Variants in PIK3AP1 observed in about 807,000 individuals in gnomAD.
PIK3AP1 encodes phosphoinositide-3-kinase adaptor protein 1, also known as phosphoinositide 3-kinase adapter protein 1.
In PIK3AP1, 21 loss-of-function variants were observed where a neutral mutation model predicts 88.1. The ratio of observed to expected loss-of-function variants is 0.24; its 90% confidence interval spans 0.17 to 0.34. PIK3AP1 has a LOEUF of 0.34. PIK3AP1 is among the 10% of genes least tolerant of loss of function. The probability of loss-of-function intolerance (pLI) is 1.00; values close to 1 mark genes in which losing one functional copy is unlikely to be tolerated. For missense variants in PIK3AP1, 828 were observed against 1,035.7 expected (o/e 0.80, Z 2.75); for synonymous variants, 398 against 400.0 (o/e 1.00, Z 0.06).
At chr10:96,647,346 G>T (rs1843473871) in intron 7 of PIK3AP1, among the ~76,000 whole-genome samples, 1 of 152,182 alleles carries the variant, frequency 6.6e-6, no homozygotes, top group Non-Finnish European at 1.5e-5. Flanking sequence ...GTAAAGTAAG[G>T]CTTGCAATAC....
intron 2 of PIK3AP1, chr10:96,700,719 G>A (rs566009549): frequency 5.4e-5 from 40 of 746,762 alleles, no homozygotes; most frequent in East Asian, 5.1e-4. Context: ...CACCACAATC[G>A]TTGCTTTCAA....
At chr10:96,664,341 G>T (rs941527835) in intron 2 of PIK3AP1, among the ~76,000 whole-genome samples, 2 of 152,208 alleles carry the variant, frequency 1.3e-5, no homozygotes, top group Non-Finnish European at 2.9e-5. Flanking sequence ...AAGGTCAGAA[G>T]AAAATGTGTG....
rs183998756 is a variant in PIK3AP1 at position 96,601,098 on chromosome 10, T to C, written c.2360+1182A>G. 2.4e-3 allele frequency among the ~76,000 whole-genome samples: 367 copies of C among 152,164 alleles called. 1 individual carries two copies. The highest frequency in any genetic ancestry group is 7.6e-3 in the African/African-American group (315 of 41,510). ...CCTGTATAAAAAAAAAGATCACTTATATTGCTGAGTTCTCACTATAGGCCA... is the reference window on the plus strand; with the variant it reads ...CCTGTATAAAAAAAAAGATCACTTACATTGCTGAGTTCTCACTATAGGCCA... On this transcript the variant is annotated intron_variant, in intron 16 of 16. Transcript: ENST00000339364.
intron 10 of PIK3AP1, among the ~76,000 whole-genome samples, chr10:96,625,616 C>T (rs1389733304): frequency 6.6e-6 from 1 of 152,180 alleles, no homozygotes; most frequent in Non-Finnish European, 1.5e-5. Flanking sequence ...TATCTGGTAA[C>T]CCCAACCCAA....
At chr10:96,606,194 G>A (rs962505603) in intron 14 of PIK3AP1, among the ~76,000 whole-genome samples, 1 of 152,012 alleles carries the variant, frequency 6.6e-6, no homozygotes, top group South Asian at 2.1e-4. Context: ...ACTCTTCCCA[G>A]CCCACTCCTG....
At chr10:96,606,323 C>T (rs904969944) in intron 14 of PIK3AP1, among the ~76,000 whole-genome samples, 3 of 152,222 alleles carry the variant, frequency 2.0e-5, no homozygotes, top group Non-Finnish European at 4.4e-5. Flanking sequence ...CCCTCTGTGG[C>T]TAAGCCTCCC....
intron 12 of PIK3AP1, among the ~76,000 whole-genome samples, chr10:96,616,915 T>A (rs1024417604): frequency 1.3e-5 from 2 of 152,146 alleles, no homozygotes; most frequent in African/African-American, 4.8e-5. Flanking sequence ...AGAGAAGACA[T>A]CTCTTCCACA....
intron 1 of PIK3AP1, among the ~76,000 whole-genome samples, chr10:96,711,141 A>T (rs913238583): frequency 1.3e-5 from 2 of 152,176 alleles, no homozygotes; most frequent in Non-Finnish European, 2.9e-5. Flanking sequence ...GATGAAAGAA[A>T]CATTTCATCT....
In PIK3AP1 at chr10:96,598,701, C is replaced by T. The variant is rs76121951; in HGVS notation, c.2361-3067G>A. Among the ~76,000 whole-genome samples, 182 of 152,286 alleles carry T rather than the reference C, an allele frequency of 1.2e-3. 1 individual carries two copies. Among genetic ancestry groups the T allele is most frequent in the Non-Finnish European group, 2.3e-3 (158 of 68,020 alleles). ...TTGGGAAACCAAAAGAAGATTCACTCGCATGGGAACATTAGGGAGGGCTTC... is the reference window on the plus strand; with the variant it reads ...TTGGGAAACCAAAAGAAGATTCACTTGCATGGGAACATTAGGGAGGGCTTC... On this transcript the variant is annotated intron_variant, in intron 16 of 16. Transcript: ENST00000339364.
chr10:96,688,516 A>C (rs1844106206), intron 2 of PIK3AP1, among the ~76,000 whole-genome samples: 1 of 152,236 alleles, frequency 6.6e-6, no homozygotes, highest in African/African-American at 2.4e-5. Context: ...TGCACACATT[A>C]GGCTGGGCGC....
intron 1 of PIK3AP1, among the ~76,000 whole-genome samples, chr10:96,715,556 T>C (rs1314619062): frequency 1.3e-5 from 2 of 152,200 alleles, no homozygotes. Context: ...TTGTAGTATT[T>C]CTGGAAATCT....
chr10:96,615,203 T>C (rs1037399162), intron 13 of PIK3AP1, among the ~76,000 whole-genome samples: 1 of 151,938 alleles, frequency 6.6e-6, no homozygotes, highest in Non-Finnish European at 1.5e-5. Flanking sequence ...AGCACAGGGT[T>C]TGGGGGAGAA....
At chr10:96,668,855 C>T (rs1233744916) in intron 2 of PIK3AP1, among the ~76,000 whole-genome samples, 15 of 152,110 alleles carry the variant, frequency 9.9e-5, no homozygotes, top group Admixed American at 9.2e-4. Context: ...CGGGGCCAGG[C>T]GCAGTGGCTC....
At chr10:96,705,899 T>G (rs1403583380) in intron 2 of PIK3AP1, among the ~76,000 whole-genome samples, 1 of 135,514 alleles carries the variant, frequency 7.4e-6, no homozygotes, top group East Asian at 2.1e-4. Flanking sequence ...TTTTTTTTTT[T>G]TTTTTTTTTT....
At chr10:96,680,736 T>C (rs1390988138) in intron 2 of PIK3AP1, among the ~76,000 whole-genome samples, 4 of 152,214 alleles carry the variant, frequency 2.6e-5, no homozygotes, top group Non-Finnish European at 5.9e-5. Context: ...TGAGTCTACG[T>C]CTTTGGTATT....
intron 8 of PIK3AP1, among the ~76,000 whole-genome samples, chr10:96,633,635 A>C (rs367977366): frequency 9.8e-5 from 15 of 152,334 alleles, no homozygotes; most frequent in African/African-American, 3.6e-4. Flanking sequence ...GAACAATTCA[A>C]AAAAGAGGAT....
chr10:96,665,922 G>A (rs904652855), intron 2 of PIK3AP1, among the ~76,000 whole-genome samples: 4 of 152,150 alleles, frequency 2.6e-5, no homozygotes, highest in East Asian at 1.9e-4. Context: ...ACAGATTGGC[G>A]AGTACCACAG....
At chr10:96,679,268 C>T (rs892090135) in intron 2 of PIK3AP1, among the ~76,000 whole-genome samples, 1 of 152,140 alleles carries the variant, frequency 6.6e-6, no homozygotes, top group Admixed American at 6.5e-5. Context: ...TGGCTCCTGT[C>T]TAAAATCCCA....
At chr10:96,659,559 T>C (rs1485717263) in intron 2 of PIK3AP1, among the ~76,000 whole-genome samples, 2 of 152,088 alleles carry the variant, frequency 1.3e-5, no homozygotes, top group African/African-American at 4.8e-5. Context: ...GTGAGAACTC[T>C]GTGCTAAGAA....
Sources: gnomAD v4.1 joint callset for allele counts (sites outside exome capture counted in the v4.1 genomes callset) on GRCh38, gnomAD v4.1.1 for gene constraint, MANE v1.5 for transcripts, NCBI Gene and HGNC (gene_info 2026-07-23, HGNC 2026-07-21) for gene names.